Variants in ZNF808 observed in about 807,000 individuals in gnomAD.
ZNF808 encodes the protein zinc finger protein 808.
A neutral mutation model predicts 8.7 loss-of-function variants in ZNF808; 5 were observed. The ratio of observed to expected loss-of-function variants is 0.58; its 90% CI spans 0.30 to 1.21. The LOEUF is 1.21. ZNF808 is among the 50% of genes most tolerant of loss of function. ZNF808 has a pLI of 0.07. For missense variants in ZNF808, 1,103 were observed against 1,098.4 expected (o/e 1.00, Z -0.06); for synonymous variants, 380 against 366.0 (o/e 1.04, Z -0.44).
downstream of ZNF808, among the ~76,000 whole-genome samples, chr19:52,561,163 TCTCTCTCTCTCTCTCTCTCTCTCTCTC>T (rs2059855386): frequency 7.4e-5 from 5 of 67,164 alleles, no homozygotes; most frequent in African/African-American, 1.5e-4. Flanking sequence ...ATCTGTTCTC[TCTCTCTCTCTCTCTCTCTCTCTCTCTC>T]TCTCTCTCTC....
rs762025437 is a variant in ZNF808, at chr19:52,554,227, T to A, written c.1311T>A (p.Ser437Arg). 3.7e-6 allele frequency: 6 copies of A among 1,613,652 alleles called. No homozygotes were observed. The highest frequency in any genetic ancestry group is 5.1e-6 in the Non-Finnish European group (6 of 1,179,710). The change falls in exon 5 of 5, where the codon AGT (serine) becomes AGA (arginine). Residue 437 changes from serine to arginine, a missense_variant. Coordinates refer to ENST00000359798, the MANE Select transcript of ZNF808 (RefSeq NM_001039886.4). Reference sequence around the variant, plus strand: ...GTGAAGAATGTGACAAAGTTTTCAGTCAGAAATCAACCCTTGAGAGACATA... The same window carrying A: ...GTGAAGAATGTGACAAAGTTTTCAGACAGAAATCAACCCTTGAGAGACATA... ...YKCEECDKVF[S>R]QKSTLERHKR...
chr19:52,558,793 C>G (rs951840397), downstream of ZNF808, among the ~76,000 whole-genome samples: 14 of 152,242 alleles, frequency 9.2e-5, no homozygotes, highest in Admixed American at 6.5e-4. Context: ...AAAAATTCTT[C>G]TGCCTTGAGA....
At chr19:52,537,211 G>C (rs1296116182) in intron 2 of ZNF808, among the ~76,000 whole-genome samples, 1 of 151,740 alleles carries the variant, frequency 6.6e-6, no homozygotes, top group African/African-American at 2.4e-5. Context: ...TAAATAAGTT[G>C]TGAGGATGGA....
At chr19:52,535,385 C>T (rs73586734) in intron 2 of ZNF808, among the ~76,000 whole-genome samples, 17 of 147,950 alleles carry the variant, frequency 1.1e-4, no homozygotes, top group Non-Finnish European at 2.4e-4. Context: ...GAGGGAGAGA[C>T]GAGGGAGGGA....
intron 4 of ZNF808, among the ~76,000 whole-genome samples, chr19:52,548,518 G>A (rs1484389180): frequency 6.6e-6 from 1 of 152,066 alleles, no homozygotes; most frequent in South Asian, 2.1e-4. Context: ...CACCTTTTGG[G>A]TTCAAGTGAT....
chr19:52,565,615 G>A (rs2059871287), downstream of ZNF808, among the ~76,000 whole-genome samples: 1 of 152,060 alleles, frequency 6.6e-6, no homozygotes, highest in Non-Finnish European at 1.5e-5. Context: ...TACTTCCCCT[G>A]ACCTATTTTT....
chr19:52,534,238 C>T (rs749839855), intron 2 of ZNF808, among the ~76,000 whole-genome samples: 2 of 152,136 alleles, frequency 1.3e-5, no homozygotes, highest in Non-Finnish European at 2.9e-5. Flanking sequence ...AGGGTTTCTC[C>T]CCCTCCCTCG....
At chr19:52,538,705 A>G (rs1196313730) in intron 2 of ZNF808, among the ~76,000 whole-genome samples, 1 of 151,282 alleles carries the variant, frequency 6.6e-6, no homozygotes, top group Admixed American at 6.6e-5. Context: ...AATGCAGAAA[A>G]GAAACAGATG....
chr19:52,558,509 C>CT (rs1359432191), downstream of ZNF808, among the ~76,000 whole-genome samples: 1 of 151,962 alleles, frequency 6.6e-6, no homozygotes, highest in Non-Finnish European at 1.5e-5. Flanking sequence ...GTAGCTGGGA[C>CT]TATAGGCGTG....
At chr19:52,566,993 C>A (rs957066280), downstream of ZNF808, among the ~76,000 whole-genome samples, 3 of 149,274 alleles carry the variant, frequency 2.0e-5, no homozygotes, top group Non-Finnish European at 4.4e-5. Flanking sequence ...CTTTTGTCAT[C>A]CAGGCTGGAG....
intron 4 of ZNF808, among the ~76,000 whole-genome samples, chr19:52,548,098 A>T (rs1270503831): frequency 8.5e-5 from 13 of 152,136 alleles, no homozygotes; most frequent in African/African-American, 3.1e-4. Flanking sequence ...GACAACGTTC[A>T]TCCCATAAAC....
intron 2 of ZNF808, among the ~76,000 whole-genome samples, chr19:52,540,170 C>T (rs2059656929): frequency 6.6e-6 from 1 of 152,102 alleles, no homozygotes; most frequent in Non-Finnish European, 1.5e-5. Flanking sequence ...CACCACTATG[C>T]CCTGCTAATG....
In ZNF808 at chr19:52,530,311, C is replaced by G. The variant is rs187868283; in HGVS notation, c.-121-2597C>G. On this transcript the variant is annotated intron_variant, in intron 1 of 4. Coordinates refer to ENST00000359798, the MANE Select transcript of ZNF808 (RefSeq NM_001039886.4). Reference sequence around the variant, plus strand: ...CCCTACCTCAAGTGACCCGCTGCCTCGGCCTCCCAAAGTGCTGGGATTCCT... The same window carrying G: ...CCCTACCTCAAGTGACCCGCTGCCTGGGCCTCCCAAAGTGCTGGGATTCCT... Among the ~76,000 whole-genome samples the G allele has an allele frequency of 5.1e-3, 769 of 152,106 alleles. 5 individuals are homozygous for G. Among genetic ancestry groups the G allele is most frequent in the African/African-American group, 0.018 (736 of 41,532 alleles).
chr19:52,535,818 CAA>C (rs1164036424), intron 2 of ZNF808, among the ~76,000 whole-genome samples: 2 of 152,134 alleles, frequency 1.3e-5, no homozygotes, highest in Admixed American at 6.5e-5. Flanking sequence ...CTCTCACCTC[CAA>C]ACACCGAAAA....
downstream of ZNF808, among the ~76,000 whole-genome samples, chr19:52,558,945 A>G (rs2123222628): frequency 6.6e-6 from 1 of 152,348 alleles, no homozygotes; most frequent in Non-Finnish European, 1.5e-5. Context: ...GTTAAAAGTC[A>G]TCACCACTCC....
Position 52,555,511 on chromosome 19 carries a change from T to G in ZNF808, c.2595T>G (p.His865Gln). The change falls in exon 5 of 5, where the codon CAT becomes CAG. Residue 865 changes from histidine to glutamine, a missense_variant. Coordinates refer to ENST00000359798, the MANE Select transcript of ZNF808 (RefSeq NM_001039886.4). ...GTCGCAAATCACACCTTAAAAGACA[T>G]AGGATAATTCATACTGGAGAGAAAC... ...VFSRKSHLKR[H>Q]RIIHTGEKPY... 1 of 1,614,084 alleles carries G rather than the reference T, an allele frequency of 6.2e-7. No individual in the cohort carries two copies. Among genetic ancestry groups the G allele is most frequent in the Middle Eastern group, 1.6e-4 (1 of 6,062 alleles).
chr19:52,554,880 A>G lies in ZNF808; in HGVS notation c.1964A>G (p.Glu655Gly), dbSNP rs2059819060. The G allele has an allele frequency of 6.2e-7, 1 of 1,614,130 alleles. No individual in the cohort carries two copies. The highest frequency in any genetic ancestry group is 1.3e-5 in the African/African-American group (1 of 74,952). ...GGAGAAAAAACTTACAAGTGTAATG[A>G]GTGTGGGAAGACCTTCAGTTACAAG... ...HTGEKTYKCN[E>G]CGKTFSYKSS... is the part of the protein sequence containing the mutation. Residue 655 changes from glutamate (E) to glycine (G), a missense_variant, in exon 5 of 5, where the codon GAG (glutamate) becomes GGG (glycine). Glu to Gly is a moderately conservative substitution (Grantham distance 98). Coordinates refer to ENST00000359798, the MANE Select transcript of ZNF808 (RefSeq NM_001039886.4).
chr19:52,551,890 G>C (rs902929593), intron 4 of ZNF808, among the ~76,000 whole-genome samples: 3 of 151,976 alleles, frequency 2.0e-5, no homozygotes, highest in African/African-American at 2.4e-5. Flanking sequence ...GTAATCCCAG[G>C]TACTCAGGAG....
intron 2 of ZNF808, among the ~76,000 whole-genome samples, chr19:52,540,473 AT>A (rs979906577): frequency 1.3e-5 from 2 of 152,044 alleles, no homozygotes; most frequent in Admixed American, 1.3e-4. Flanking sequence ...TATCGAAAAC[AT>A]TTTCTACTAT....
Sources: gnomAD v4.1 joint callset for allele counts (sites outside exome capture counted in the v4.1 genomes callset) on GRCh38, gnomAD v4.1.1 for gene constraint, MANE v1.5 for transcripts, NCBI Gene and HGNC (gene_info 2026-07-23, HGNC 2026-07-21) for gene names.